The following NRXN3 variants were observed in gnomAD, a reference collection of about 807,000 sequenced individuals.
The protein encoded by NRXN3 is neurexin 3.
In NRXN3, 32 loss-of-function variants were observed where a neutral mutation model predicts 137.6. The ratio of observed to expected loss-of-function variants is 0.23; its 90% confidence interval spans 0.18 to 0.31. The LOEUF is 0.31. NRXN3 is among the 10% of genes least tolerant of loss of function. NRXN3 has a pLI of 1.00. For synonymous variants in NRXN3, 798 were observed against 784.5 expected (o/e 1.02, Z -0.29); for missense variants, 1,574 against 2,062.5 (o/e 0.76, Z 4.59).
At chr14:79,588,687 T>G (rs1173897690) in intron 16 of NRXN3, among the ~76,000 whole-genome samples, 1 of 152,164 alleles carries the variant, frequency 6.6e-6, no homozygotes, top group Non-Finnish European at 1.5e-5. Flanking sequence ...ATGGCTTAAG[T>G]GGGTAACAAA....
intron 1 of NRXN3, among the ~76,000 whole-genome samples, chr14:78,180,102 C>A (rs1480126299): frequency 2.0e-5 from 3 of 152,126 alleles, no homozygotes; most frequent in Non-Finnish European, 4.4e-5. Flanking sequence ...CCTACCTCGG[C>A]CTCCCAAAGT....
intron 4 of NRXN3, among the ~76,000 whole-genome samples, chr14:78,455,654 T>C (rs1166807064): frequency 2.6e-5 from 4 of 152,170 alleles, no homozygotes; most frequent in Non-Finnish European, 5.9e-5. Flanking sequence ...GTTTTTATTC[T>C]TTTCCAAGTG....
chr14:79,830,592 C>G (rs2099320289), intron 20 of NRXN3, among the ~76,000 whole-genome samples: 2 of 152,186 alleles, frequency 1.3e-5, no homozygotes, highest in Non-Finnish European at 1.5e-5. Flanking sequence ...CCCTGCCAGA[C>G]AGTTGCCTAA....
At chr14:78,184,353 C>T (rs2060053727) in intron 1 of NRXN3, among the ~76,000 whole-genome samples, 1 of 152,204 alleles carries the variant, frequency 6.6e-6, no homozygotes, top group South Asian at 2.1e-4. Context: ...CCACAACAGC[C>T]ACTCATGTCT....
At chr14:78,266,379 A>G (rs1327479521) in intron 2 of NRXN3, among the ~76,000 whole-genome samples, 1 of 151,876 alleles carries the variant, frequency 6.6e-6, no homozygotes, top group East Asian at 1.9e-4. Flanking sequence ...CCTCACTGCA[A>G]CCTCTGACTC....
intron 4 of NRXN3, among the ~76,000 whole-genome samples, chr14:78,475,294 G>T (rs954887298): frequency 1.3e-5 from 2 of 152,092 alleles, no homozygotes; most frequent in East Asian, 1.9e-4. Flanking sequence ...TGCAACTCCC[G>T]CAGAGGTTAG....
intron 10 of NRXN3, among the ~76,000 whole-genome samples, chr14:78,837,972 C>G (rs1004257005): frequency 6.6e-6 from 1 of 151,870 alleles, no homozygotes; most frequent in Non-Finnish European, 1.5e-5. Context: ...TTTCACTGAG[C>G]CATATTAGAT....
At chr14:79,064,914 T>TA (rs1392132856) in intron 15 of NRXN3, among the ~76,000 whole-genome samples, 9 of 151,102 alleles carry the variant, frequency 6.0e-5, no homozygotes, top group African/African-American at 2.4e-5. Context: ...TTCTAAATTA[T>TA]AAAAGTAACA....
chr14:78,923,467 C>T (rs866384033), intron 10 of NRXN3, among the ~76,000 whole-genome samples: 4 of 152,142 alleles, frequency 2.6e-5, no homozygotes, highest in African/African-American at 9.7e-5. Flanking sequence ...AGTTGTTTCA[C>T]CTTTTAGTGG....
chr14:79,126,327 GC>G (rs1041148056), intron 15 of NRXN3, among the ~76,000 whole-genome samples: 2 of 66,470 alleles, frequency 3.0e-5, no homozygotes, highest in East Asian at 5.8e-4. Flanking sequence ...CCTCCCCCCC[GC>G]CCCACCCCAC....
intron 20 of NRXN3, among the ~76,000 whole-genome samples, chr14:79,855,369 A>T (rs924680515): frequency 5.9e-5 from 9 of 152,196 alleles, no homozygotes; most frequent in African/African-American, 2.2e-4. Flanking sequence ...ATGGTGGATA[A>T]GAGTGTTTCC....
chr14:78,914,913 A>T (rs1273391115), intron 10 of NRXN3, among the ~76,000 whole-genome samples: 3 of 151,920 alleles, frequency 2.0e-5, no homozygotes, highest in African/African-American at 7.3e-5. Flanking sequence ...AAGGGGAAGG[A>T]GGGGGGATAA....
At chr14:79,403,383 G>A (rs1335936449) in intron 15 of NRXN3, among the ~76,000 whole-genome samples, 1 of 152,112 alleles carries the variant, frequency 6.6e-6, no homozygotes, top group African/African-American at 2.4e-5. Context: ...CTTTGGAACA[G>A]CAAAGTTAAT....
intron 15 of NRXN3, among the ~76,000 whole-genome samples, chr14:79,170,761 G>C (rs1266749178): frequency 6.6e-6 from 1 of 151,930 alleles, no homozygotes; most frequent in East Asian, 1.9e-4. Context: ...CTCTTAAAAG[G>C]ACCTGTATTC....
intron 15 of NRXN3, 130 bp from the exon 16 acceptor site, chr14:79,467,090 AG>A: frequency 1.2e-6 from 1 of 820,498 alleles, no homozygotes; most frequent in East Asian, 2.9e-5. Context: ...CGTTCCTCTC[AG>A]TAACCAAATA....
At position 79,691,208 on chromosome 14, in the gene NRXN3, G is replaced by T. The variant is rs193063515; in HGVS notation, c.3617-965G>T. Among the ~76,000 whole-genome samples the T allele has an allele frequency of 3.3e-3, 496 of 152,118 alleles. 1 individual carries two copies. The highest frequency in any genetic ancestry group is 0.011 in the African/African-American group (463 of 41,522). On this transcript the variant is annotated intron_variant, in intron 17 of 20. Coordinates refer to ENST00000335750, the MANE Select transcript of NRXN3 (RefSeq NM_001330195.2). The stretch of plus-strand genomic sequence containing the variant: ...GTTAATAACAGTTACGAAGGAAGAG[G>T]GGGGGCATACTGGCAGTTAAAACCA...
intron 6 of NRXN3, among the ~76,000 whole-genome samples, chr14:78,694,051 C>A (rs2098200659): frequency 6.6e-6 from 1 of 151,980 alleles, no homozygotes; most frequent in African/African-American, 2.4e-5. Flanking sequence ...TATCAGGTCT[C>A]ACCTTAGTAC....
chr14:79,699,143 G>A (rs2098745623), intron 19 of NRXN3, among the ~76,000 whole-genome samples: 1 of 151,860 alleles, frequency 6.6e-6, no homozygotes, highest in Non-Finnish European at 1.5e-5. Flanking sequence ...GCATAGTACT[G>A]TTACCGTCAC....
Position 79,620,777 on chromosome 14 carries a change from AG to A in NRXN3, c.3445-42999del, listed in dbSNP as rs374058546. ...GTTGGATATGTAGCATTGGAGTCAAAGGCCAAGTAAGAGGTAGAGAAAGAGA... is the reference window on the plus strand; with the variant it reads ...GTTGGATATGTAGCATTGGAGTCAAAGCCAAGTAAGAGGTAGAGAAAGAGA... On this transcript the variant is annotated intron_variant, in intron 16 of 20. Coordinates refer to ENST00000335750, the MANE Select transcript of NRXN3 (RefSeq NM_001330195.2). 2.8e-3 allele frequency among the ~76,000 whole-genome samples: 433 copies of A among 152,276 alleles called. 5 individuals carry two copies. Among genetic ancestry groups the A allele is most frequent in the African/African-American group, 9.5e-3 (396 of 41,578 alleles).
Sources: gnomAD v4.1 joint callset for allele counts (sites outside exome capture counted in the v4.1 genomes callset) on GRCh38, gnomAD v4.1.1 for gene constraint, MANE v1.5 for transcripts, NCBI Gene and HGNC (gene_info 2026-07-23, HGNC 2026-07-21) for gene names.